GLIS2: variants seen among roughly 807,000 people sequenced by gnomAD.
GLIS2 encodes GLIS family zinc finger 2, also known as zinc finger protein GLIS2.
A neutral mutation model predicts 35.6 loss-of-function variants in GLIS2; 14 were observed. The observed-to-expected ratio is 0.39, with a 90% CI of 0.26 to 0.61. The LOEUF is 0.61. Ranked by LOEUF, GLIS2 falls within the 20% of genes least tolerant of loss-of-function variation. The pLI is 0.48. For synonymous variants in GLIS2, 368 were observed against 325.1 expected, an observed-to-expected ratio of 1.13 and a Z score of -1.42; for missense variants, 675 against 713.4, an observed-to-expected ratio of 0.95 and a Z score of 0.61.
chr16:4,324,637 T>G (rs1320713660), intron 1 of GLIS2: 1 of 152,316 alleles, frequency 6.6e-6, no homozygotes, highest in African/African-American at 2.4e-5. Context: ...TATGGACTCA[T>G]GCACACTGGC....
Position 4,317,911 on chromosome 16 carries a change from C to T in GLIS2, c.-67+1657C>T, listed in dbSNP as rs549510908. Among the ~76,000 whole-genome samples, 15 of 152,280 alleles carry T rather than the reference C, an allele frequency of 9.9e-5. 1 individual carries two copies. In the East Asian group the frequency reaches 2.7e-3, roughly 27 times the overall value. ...CATTAGCGCTGACCCCCTGTGCCTG[C>T]CCGCCCTTCCCTGTCTGTGACCTTT... On this transcript the variant is annotated intron_variant, in intron 1 of 6. Coordinates refer to ENST00000433375, the MANE Select transcript of GLIS2 (RefSeq NM_032575.3).
At position 4,316,129 on chromosome 16, in the gene GLIS2, G is replaced by A. The variant is rs1333039921; in HGVS notation, c.-192G>A. On this transcript the variant is annotated 5_prime_UTR_variant, in exon 1 of 7. Transcript: ENST00000433375. ...CGGGCGCCGGGCGGCCGTGCCAGGG[G>A]AGCCCGCGCCCCGTGAGGCCTCGCG... Among the ~76,000 whole-genome samples the A allele has an allele frequency of 2.8e-5, 1 of 35,186 alleles. No individual in the cohort carries two copies. Among genetic ancestry groups the A allele is most frequent in the Non-Finnish European group, 5.1e-5 (1 of 19,716 alleles). The allele number at this position is 35,186 out of a possible 152,430, so 23.1% of individuals were successfully genotyped here.
chr16:4,324,060 G>A (rs564936765), intron 1 of GLIS2, among the ~76,000 whole-genome samples: 4 of 152,298 alleles, frequency 2.6e-5, no homozygotes, highest in Admixed American at 6.5e-5. Context: ...GTGCTTTCCC[G>A]AGGACCCCAC....
At position 4,320,767 on chromosome 16, in the gene GLIS2, T is replaced by C. The variant is rs61435490; in HGVS notation, c.-67+4513T>C. On this transcript the variant is annotated intron_variant, in intron 1 of 6. Coordinates refer to ENST00000433375, the MANE Select transcript of GLIS2 (RefSeq NM_032575.3). The surrounding 1 kb of genome is among the most constrained non-coding windows in gnomAD (Gnocchi z 5.6). ...CAGGCAGACCGACTCTGAGCTGGGATGTCCCCTCCCCGCAAGGCTGTAGGG... is the reference window on the plus strand; with the variant it reads ...CAGGCAGACCGACTCTGAGCTGGGACGTCCCCTCCCCGCAAGGCTGTAGGG... Among the ~76,000 whole-genome samples, 1,642 of 152,186 alleles carry C rather than the reference T, an allele frequency of 0.011. 34 individuals carry two copies. The highest frequency in any genetic ancestry group is 0.037 in the African/African-American group (1,545 of 41,526).
In GLIS2 at chr16:4,335,404, G is replaced by A. The variant is rs762232748; in HGVS notation, c.775+11G>A. On this transcript the variant is annotated intron_variant, in intron 6 of 6. Coordinates refer to ENST00000433375, the MANE Select transcript of GLIS2 (RefSeq NM_032575.3). The surrounding 1 kb of genome is among the most constrained non-coding windows in gnomAD (Gnocchi z 4.6). Reference sequence around the variant, plus strand: ...ACCGGTCGCACACAGGTAAGAGGCCGGGGCCGGGCGGCTTGGCCCATGAAG... The same window carrying A: ...ACCGGTCGCACACAGGTAAGAGGCCAGGGCCGGGCGGCTTGGCCCATGAAG... The A allele has an allele frequency of 1.1e-5, 18 of 1,612,524 alleles. No homozygotes were observed. In the East Asian group the frequency reaches 1.3e-4, roughly 12 times the overall value.
At chr16:4,328,294 G>C (rs1235138768) in intron 1 of GLIS2, 2 of 152,412 alleles carry the variant, frequency 1.3e-5, no homozygotes, top group African/African-American at 2.4e-5. Flanking sequence ...GCTGCTCCCC[G>C]CTCTGGGCCT....
In GLIS2 at chr16:4,335,649, T is replaced by C. The variant is rs1596242137; in HGVS notation, c.775+256T>C. 6.6e-6 allele frequency among the ~76,000 whole-genome samples: 1 copy of C among 152,232 alleles called. No homozygotes were observed. Among genetic ancestry groups the C allele is most frequent in the South Asian group, 2.1e-4 (1 of 4,834 alleles). The stretch of plus-strand genomic sequence containing the variant: ...GTTCCCGTGGGTATCTTCTGACTAA[T>C]GCCACCTCTGTGATCGCAGAGGCCA... On this transcript the variant is annotated intron_variant, in intron 6 of 6. Coordinates refer to ENST00000433375, the MANE Select transcript of GLIS2 (RefSeq NM_032575.3). This position sits in a 1 kb window ranked among gnomAD's most constrained non-coding sequence, Gnocchi z 4.6.
intron 1 of GLIS2, among the ~76,000 whole-genome samples, chr16:4,329,464 G>A (rs538931422): frequency 3.0e-4 from 46 of 152,346 alleles, no homozygotes; most frequent in African/African-American, 8.2e-4. Context: ...ATGCAGCCTT[G>A]GGAGAGGTGG....
intron 1 of GLIS2, among the ~76,000 whole-genome samples, chr16:4,321,765 C>G (rs772529494): frequency 6.6e-6 from 1 of 152,172 alleles, no homozygotes; most frequent in Non-Finnish European, 1.5e-5. Context: ...AGACATGTCC[C>G]GGCCCACTCC....
At chr16:4,331,806 G>A in intron 1 of GLIS2, 1 of 220,238 alleles carries the variant, frequency 4.5e-6, no homozygotes, top group Non-Finnish European at 9.3e-6. Context: ...TTTTTAATTA[G>A]CCAGGAGCGG....
At chr16:4,327,443 C>T (rs747050284) in intron 1 of GLIS2, among the ~76,000 whole-genome samples, 48 of 152,330 alleles carry the variant, frequency 3.2e-4, no homozygotes, top group Non-Finnish European at 6.2e-4. Context: ...CTTTTCCGGG[C>T]CTTAGTTTCC....
intron 1 of GLIS2, among the ~76,000 whole-genome samples, chr16:4,319,274 TC>T (rs1171002241): frequency 5.3e-5 from 8 of 152,248 alleles, no homozygotes; most frequent in East Asian, 3.9e-4. Context: ...TGGGTGGTCT[TC>T]CCCTCACCCA....
intron 1 of GLIS2, chr16:4,324,590 A>G (rs575048988): frequency 3.3e-5 from 5 of 152,370 alleles, no homozygotes; most frequent in African/African-American, 1.2e-4. Flanking sequence ...GCCAGTCCCC[A>G]CTCAGCTGCC....
chr16:4,327,594 C>T (rs1335524508), intron 1 of GLIS2, among the ~76,000 whole-genome samples: 1 of 152,144 alleles, frequency 6.6e-6, no homozygotes. Flanking sequence ...GCCAGCGCTG[C>T]AGCTGGGGGC....
rs772834545 is a variant in GLIS2 at position 4,332,275 on chromosome 16, C to G, written c.-6C>G. On this transcript the variant is annotated 5_prime_UTR_variant, in exon 2 of 7. Transcript: ENST00000433375. The surrounding 1 kb of genome is among the most constrained non-coding windows in gnomAD (Gnocchi z 5.4). ...TGCTGCCACCTCCAACTCCGGCCCC[C>G]TCACCATGCACTCCCTGGACGAGCC... is the stretch of plus-strand genomic sequence containing the variant. The G allele has an allele frequency of 1.9e-6, 3 of 1,611,876 alleles. No homozygotes were observed. The highest frequency in any genetic ancestry group is 2.2e-5 in the South Asian group (2 of 90,848).
Position 4,333,478 on chromosome 16 carries a change from C to A in GLIS2, c.304C>A (p.Arg102Ser). 1 of 1,612,336 alleles carries A rather than the reference C, an allele frequency of 6.2e-7. No homozygotes were observed. The highest frequency in any genetic ancestry group is 8.5e-7 in the Non-Finnish European group (1 of 1,179,758). Residue 102 changes from arginine (R) to serine (S), a missense_variant, in exon 3 of 7, where the codon CGC becomes AGC. Physicochemically the swap from Arg to Ser is moderately radical, Grantham distance 110 (BLOSUM62 -1). This residue lies in a region of GLIS2 where 225 missense variants were observed against 238.7 expected (regional missense o/e 0.94). Coordinates refer to ENST00000433375, the MANE Select transcript of GLIS2 (RefSeq NM_032575.3). ...TGGCAGCAGCTCGCTGTCCCCCGAG[C>A]GCCAGGGCAACGGGGACCTGCCTCC... ...PNGSSSLSPE[R>S]QGNGDLPPVP...
intron 1 of GLIS2, among the ~76,000 whole-genome samples, chr16:4,330,458 C>A (rs1203103364): frequency 6.6e-6 from 1 of 152,234 alleles, no homozygotes; most frequent in Non-Finnish European, 1.5e-5. Flanking sequence ...CAGGCCAGGC[C>A]ACAATCCCCA....
chr16:4,337,548 T>C lies in GLIS2; in HGVS notation c.*24T>C. ...GAGCCCATCCTGCGGACAGTTGTGGTGCCCCCCCGGCAGCTCCCGGCACTG... is the reference window on the plus strand; with the variant it reads ...GAGCCCATCCTGCGGACAGTTGTGGCGCCCCCCCGGCAGCTCCCGGCACTG... On this transcript the variant is annotated 3_prime_UTR_variant, in exon 7 of 7. Transcript: ENST00000433375. 1 of 1,544,530 alleles carries C rather than the reference T, an allele frequency of 6.5e-7. No homozygotes were observed. The highest frequency in any genetic ancestry group is 8.7e-7 in the Non-Finnish European group (1 of 1,150,598).
rs1012149299 is a variant in GLIS2, at chr16:4,320,327, C to G, written c.-67+4073C>G. Among the ~76,000 whole-genome samples the G allele has an allele frequency of 6.6e-6, 1 of 152,078 alleles. No homozygotes were observed. The highest frequency in any genetic ancestry group is 1.5e-5 in the Non-Finnish European group (1 of 68,004). On this transcript the variant is annotated intron_variant, in intron 1 of 6. Transcript: ENST00000433375. This position sits in a 1 kb window ranked among gnomAD's most constrained non-coding sequence, Gnocchi z 5.6. Reference sequence around the variant, plus strand: ...GGAGCCTCCGGAAAACAGTCCTGCCCGTCACATGGAGGGTCCCCACCGCTG... The same window carrying G: ...GGAGCCTCCGGAAAACAGTCCTGCCGGTCACATGGAGGGTCCCCACCGCTG...
Sources: allele counts gnomAD v4.1 joint callset (sites outside exome capture counted in the v4.1 genomes callset), GRCh38; gene constraint gnomAD v4.1.1; regional missense constraint gnomAD v4.1.1; non-coding constraint Gnocchi (gnomAD v3.1); transcripts MANE v1.5; gene names NCBI Gene and HGNC (gene_info 2026-07-23, HGNC 2026-07-21).